KANSL1L: variants seen among roughly 807,000 people sequenced by gnomAD.
KANSL1L encodes the protein KAT8 regulatory NSL complex subunit 1-like protein.
Under a neutral mutation model 108.6 loss-of-function variants are expected in KANSL1L, and 25 were observed. The ratio of observed to expected loss-of-function variants is 0.23; its 90% CI spans 0.17 to 0.32. KANSL1L has a LOEUF of 0.32. Among genes scored for constraint, KANSL1L ranks in the 10% least tolerant of loss-of-function variants. KANSL1L has a pLI of 1.00. For missense variants in KANSL1L, 1,137 were observed against 1,125.7 expected, an observed-to-expected ratio of 1.01 and a Z score of -0.14; for synonymous variants, 405 against 395.1, an observed-to-expected ratio of 1.03 and a Z score of -0.30.
intron 2 of KANSL1L, among the ~76,000 whole-genome samples, chr2:210,136,342 C>T (rs1408417559): frequency 2.0e-5 from 3 of 152,004 alleles, no homozygotes; most frequent in Non-Finnish European, 4.4e-5. Flanking sequence ...TGCATTCTAT[C>T]GCTACCACGC....
At chr2:210,158,953 C>T (rs572476026) in intron 1 of KANSL1L, among the ~76,000 whole-genome samples, 1 of 152,292 alleles carries the variant, frequency 6.6e-6, no homozygotes, top group Non-Finnish European at 1.5e-5. Context: ...TAAACAACTA[C>T]ACTTATCACT....
At chr2:210,101,473 A>G (rs1171901646) in intron 4 of KANSL1L, among the ~76,000 whole-genome samples, 4 of 152,208 alleles carry the variant, frequency 2.6e-5, no homozygotes, top group African/African-American at 9.6e-5. Context: ...ACAATTTCCA[A>G]TGAATAAGTA....
Position 210,021,770 on chromosome 2 carries a change from C to T in KANSL1L, c.*1179G>A, listed in dbSNP as rs1304139640. 1.3e-5 allele frequency: 2 copies of T among 151,728 alleles called. No homozygotes were observed. Among genetic ancestry groups the T allele is most frequent in the Non-Finnish European group, 2.9e-5 (2 of 67,874 alleles). 9.4% of individuals were successfully genotyped at this position (151,728 alleles called of 1,614,324 possible). On this transcript the variant is annotated 3_prime_UTR_variant, in exon 15 of 15. Transcript: ENST00000281772. ...TTATATAAATTGTCCTCAACTTTCACATAGGAAAAAAATGGTTTAATAGCT... is the reference window on the plus strand; with the variant it reads ...TTATATAAATTGTCCTCAACTTTCATATAGGAAAAAAATGGTTTAATAGCT...
At chr2:210,145,045 C>A (rs2095255984) in intron 2 of KANSL1L, among the ~76,000 whole-genome samples, 1 of 152,208 alleles carries the variant, frequency 6.6e-6, no homozygotes, top group African/African-American at 2.4e-5. Context: ...CCAGTAAGGG[C>A]ATAGCAGCAT....
At chr2:210,046,122 C>G (rs947824094) in intron 6 of KANSL1L, among the ~76,000 whole-genome samples, 3 of 152,134 alleles carry the variant, frequency 2.0e-5, no homozygotes, top group Non-Finnish European at 4.4e-5. Flanking sequence ...TATAAGGGCA[C>G]TAATTCCATT....
chr2:210,036,350 T>G (rs1476322471), intron 8 of KANSL1L, among the ~76,000 whole-genome samples: 1 of 151,696 alleles, frequency 6.6e-6, no homozygotes, highest in Non-Finnish European at 1.5e-5. Context: ...CCTGCCTAAT[T>G]TTTATATTTT....
intron 2 of KANSL1L, 23 bp from the exon 3 acceptor site, chr2:210,129,195 T>C (rs1481478120): frequency 1.9e-6 from 3 of 1,573,130 alleles, no homozygotes; most frequent in African/African-American, 1.4e-5. Context: ...CAAACACTGT[T>C]ACTCAAAGCA....
chr2:210,026,896 A>G (rs561361260), intron 12 of KANSL1L, among the ~76,000 whole-genome samples: 4 of 152,034 alleles, frequency 2.6e-5, no homozygotes, highest in South Asian at 4.2e-4. Flanking sequence ...TCAGCCTCCC[A>G]AGTAGCTGGG....
rs117915188 is a variant in KANSL1L, at chr2:210,049,596, T to C, written c.1756-5492A>G. Among the ~76,000 whole-genome samples the C allele has an allele frequency of 1.9e-4, 29 of 152,204 alleles. No homozygotes were observed. In the East Asian group the frequency reaches 5.2e-3, roughly 27 times the overall value. On this transcript the variant is annotated intron_variant, in intron 6 of 14. Coordinates refer to ENST00000281772, the MANE Select transcript of KANSL1L (RefSeq NM_152519.4). ...TGGGCAACATAGTGAGACCCTATTTTTAAAAGAAAAATTTTCTTTCAATAA... is the reference window on the plus strand; with the variant it reads ...TGGGCAACATAGTGAGACCCTATTTCTAAAAGAAAAATTTTCTTTCAATAA...
At chr2:210,079,662 ATATGTATGTGTG>A (rs2094572226) in intron 5 of KANSL1L, 2 of 12,678 alleles carry the variant, frequency 1.6e-4, no homozygotes, top group East Asian at 6.8e-3. Flanking sequence ...ATATATATAT[ATATGTATGTGTG>A]TATATATATA....
chr2:210,065,671 C>T (rs1318368880), intron 6 of KANSL1L, among the ~76,000 whole-genome samples: 12 of 151,150 alleles, frequency 7.9e-5, no homozygotes, highest in Non-Finnish European at 1.3e-4. Context: ...CGGCAACCTC[C>T]GCCTCCCAGG....
chr2:210,165,638 A>C (rs1044756834), intron 1 of KANSL1L, among the ~76,000 whole-genome samples: 6 of 152,218 alleles, frequency 3.9e-5, no homozygotes, highest in African/African-American at 1.4e-4. Flanking sequence ...TATTATAAAT[A>C]AAATTAAGTT....
At chr2:210,076,392 G>C (rs1158843435) in intron 5 of KANSL1L, among the ~76,000 whole-genome samples, 1 of 152,022 alleles carries the variant, frequency 6.6e-6, no homozygotes, top group African/African-American at 2.4e-5. Context: ...TCACCATGTT[G>C]GCCAGGCTGG....
intron 3 of KANSL1L, among the ~76,000 whole-genome samples, chr2:210,112,819 C>T (rs1245030882): frequency 6.6e-6 from 1 of 152,152 alleles, no homozygotes. Flanking sequence ...TTGGCAGAAT[C>T]TGTCTAATGT....
At chr2:210,114,550 G>A (rs2094936564) in intron 3 of KANSL1L, among the ~76,000 whole-genome samples, 1 of 151,954 alleles carries the variant, frequency 6.6e-6, no homozygotes, top group African/African-American at 2.4e-5. Context: ...TTAAATACAT[G>A]CATAATTATA....
intron 12 of KANSL1L, among the ~76,000 whole-genome samples, chr2:210,026,877 T>C (rs1344198229): frequency 6.6e-6 from 1 of 152,164 alleles, no homozygotes; most frequent in Non-Finnish European, 1.5e-5. Flanking sequence ...TTCACGCTAT[T>C]CTCCTGCCTC....
chr2:210,069,515 G>T (rs1373371057), intron 6 of KANSL1L, among the ~76,000 whole-genome samples: 1 of 152,032 alleles, frequency 6.6e-6, no homozygotes, highest in African/African-American at 2.4e-5. Flanking sequence ...ACCAAACTCT[G>T]TATAAGTTTC....
At chr2:210,167,854 C>T (rs900136172) in intron 1 of KANSL1L, among the ~76,000 whole-genome samples, 10 of 151,900 alleles carry the variant, frequency 6.6e-5, no homozygotes, top group Non-Finnish European at 1.3e-4. Context: ...TATAGACTAT[C>T]TACTGGCAAG....
intron 5 of KANSL1L, among the ~76,000 whole-genome samples, chr2:210,094,811 T>C (rs1287595322): frequency 6.6e-6 from 1 of 151,720 alleles, no homozygotes; most frequent in Non-Finnish European, 1.5e-5. Context: ...TATAAACATA[T>C]TTATAGTTAA....
Sources: gnomAD v4.1 joint callset for allele counts (sites outside exome capture counted in the v4.1 genomes callset) on GRCh38, gnomAD v4.1.1 for gene constraint, MANE v1.5 for transcripts, NCBI Gene and HGNC (gene_info 2026-07-23, HGNC 2026-07-21) for gene names.